The following SPOCK3 variants were observed in gnomAD, a reference collection of about 807,000 sequenced individuals.
SPOCK3 encodes the protein testican-3.
SPOCK3 carries 30 observed loss-of-function variants against 56.6 expected under a neutral mutation model. The ratio of observed to expected loss-of-function variants is 0.53; its 90% CI spans 0.40 to 0.72. The LOEUF (loss-of-function observed/expected upper bound fraction) is 0.72. SPOCK3 is among the 30% of genes least tolerant of loss of function. The pLI, the probability that SPOCK3 is intolerant of heterozygous loss-of-function variation, is 0.00. For missense variants in SPOCK3, 527 were observed against 530.0 expected (o/e 0.99, Z 0.06); for synonymous variants, 196 against 183.3 (o/e 1.07, Z -0.56).
intron 4 of SPOCK3, among the ~76,000 whole-genome samples, chr4:166,927,058 A>G (rs539055641): frequency 6.6e-6 from 1 of 152,370 alleles, no homozygotes; most frequent in Admixed American, 6.5e-5. Flanking sequence ...GCTGCAAATT[A>G]TGACAGAAAA....
intron 2 of SPOCK3, among the ~76,000 whole-genome samples, chr4:167,208,790 ATTTTG>A (rs1697072126): frequency 6.6e-6 from 1 of 152,096 alleles, no homozygotes; most frequent in Non-Finnish European, 1.5e-5. Context: ...AATAGTGATT[ATTTTG>A]TTAATATTTA....
intron 4 of SPOCK3, among the ~76,000 whole-genome samples, chr4:166,976,223 TTTGGAGGCATCA>T (rs1280059865): frequency 6.6e-6 from 1 of 152,144 alleles, no homozygotes; most frequent in African/African-American, 2.4e-5. Context: ...AGATCAAACT[TTTGGAGGCATCA>T]TTGACTTCTC....
At chr4:166,847,294 A>T (rs1477662455) in intron 6 of SPOCK3, among the ~76,000 whole-genome samples, 1 of 152,060 alleles carries the variant, frequency 6.6e-6, no homozygotes, top group East Asian at 1.9e-4. Context: ...TTATTCAGTC[A>T]GATATGTAGT....
At chr4:167,217,817 A>G (rs1174989481) in intron 2 of SPOCK3, among the ~76,000 whole-genome samples, 2 of 152,114 alleles carry the variant, frequency 1.3e-5, no homozygotes, top group Admixed American at 6.6e-5. Context: ...CTAAATGGCT[A>G]TACATGATAT....
At chr4:166,978,933 G>C (rs993340727) in intron 4 of SPOCK3, among the ~76,000 whole-genome samples, 7 of 152,204 alleles carry the variant, frequency 4.6e-5, no homozygotes, top group African/African-American at 1.7e-4. Flanking sequence ...GAAGAGGCTG[G>C]GAAGGAGACA....
intron 2 of SPOCK3, among the ~76,000 whole-genome samples, chr4:167,152,785 A>G (rs1315948251): frequency 6.6e-6 from 1 of 152,178 alleles, no homozygotes; most frequent in African/African-American, 2.4e-5. Flanking sequence ...ATCCACTCTA[A>G]TATCTATCTT....
At chr4:166,970,807 C>A (rs1745298380) in intron 4 of SPOCK3, among the ~76,000 whole-genome samples, 1 of 151,994 alleles carries the variant, frequency 6.6e-6, no homozygotes. Flanking sequence ...TACAAAACCC[C>A]AACCCCATGA....
intron 4 of SPOCK3, among the ~76,000 whole-genome samples, chr4:166,922,313 A>G (rs1225796961): frequency 2.0e-5 from 3 of 152,182 alleles, no homozygotes; most frequent in Non-Finnish European, 2.9e-5. Flanking sequence ...TTATTTGTGG[A>G]CAAAAAAGTA....
At chr4:166,857,287 C>T (rs555506275) in intron 6 of SPOCK3, among the ~76,000 whole-genome samples, 20 of 152,282 alleles carry the variant, frequency 1.3e-4, no homozygotes, top group East Asian at 7.7e-4. Flanking sequence ...ACCATATCAC[C>T]GCCCAAGGCT....
intron 2 of SPOCK3, among the ~76,000 whole-genome samples, chr4:167,079,323 A>G (rs1757500297): frequency 6.6e-6 from 1 of 152,010 alleles, no homozygotes; most frequent in Non-Finnish European, 1.5e-5. Flanking sequence ...TCCATTCATG[A>G]GGAACAACCT....
chr4:166,797,307 C>CTT (rs201922172), intron 6 of SPOCK3, among the ~76,000 whole-genome samples: 11 of 53,224 alleles, frequency 2.1e-4, no homozygotes, highest in East Asian at 8.2e-4. Context: ...TTCTAAGTGG[C>CTT]TTTTTTTTTT....
chr4:166,778,145 C>A (rs1739774318), intron 7 of SPOCK3, among the ~76,000 whole-genome samples: 1 of 152,058 alleles, frequency 6.6e-6, no homozygotes, highest in African/African-American at 2.4e-5. Context: ...AAAGATATTT[C>A]AAAAAATTCT....
At chr4:166,923,356 C>T (rs1738717265) in intron 4 of SPOCK3, among the ~76,000 whole-genome samples, 1 of 152,066 alleles carries the variant, frequency 6.6e-6, no homozygotes, top group Admixed American at 6.6e-5. Context: ...CACTCTTATG[C>T]TTTATAAGAT....
At chr4:167,090,418 C>T (rs762378850) in intron 2 of SPOCK3, among the ~76,000 whole-genome samples, 2 of 151,976 alleles carry the variant, frequency 1.3e-5, no homozygotes, top group Non-Finnish European at 2.9e-5. Context: ...TGCTGATTGG[C>T]CATTTTTATG....
chr4:166,782,564 C>A (rs189179150), intron 7 of SPOCK3, among the ~76,000 whole-genome samples: 1 of 152,000 alleles, frequency 6.6e-6, no homozygotes, highest in Non-Finnish European at 1.5e-5. Flanking sequence ...ATAAAACAGA[C>A]CTCAACAAAT....
At position 167,035,918 on chromosome 4, in the gene SPOCK3, A is replaced by G. The variant is rs376165651; in HGVS notation, c.235+26574T>C. ...TGCATTAGCAATTCTGTTCCAATGT[A>G]TTTCTGCCTTAACAACCCCCATTTC... On this transcript the variant is annotated intron_variant, in intron 3 of 10. Coordinates refer to ENST00000357545, the MANE Select transcript of SPOCK3 (RefSeq NM_001040159.2). Among the ~76,000 whole-genome samples, 122 of 152,274 alleles carry G rather than the reference A, an allele frequency of 8.0e-4. 1 individual carries two copies. Among genetic ancestry groups the G allele is most frequent in the African/African-American group, 2.7e-3 (113 of 41,556 alleles).
At chr4:166,779,754 A>G (rs1036749782) in intron 7 of SPOCK3, among the ~76,000 whole-genome samples, 4 of 152,152 alleles carry the variant, frequency 2.6e-5, no homozygotes, top group African/African-American at 9.6e-5. Flanking sequence ...ACATTTACAA[A>G]TTAAAGATAT....
chr4:167,146,541 A>T (rs1763976499), intron 2 of SPOCK3, among the ~76,000 whole-genome samples: 1 of 152,140 alleles, frequency 6.6e-6, no homozygotes. Flanking sequence ...CTTATTCTAA[A>T]ATTGACCACA....
chr4:167,107,443 T>C (rs1223308466), intron 2 of SPOCK3, among the ~76,000 whole-genome samples: 1 of 151,830 alleles, frequency 6.6e-6, no homozygotes, highest in African/African-American at 2.4e-5. Flanking sequence ...TCATAAAATC[T>C]GACATCCCTT....
Sources: allele counts gnomAD v4.1 joint callset (sites outside exome capture counted in the v4.1 genomes callset), GRCh38; gene constraint gnomAD v4.1.1; transcripts MANE v1.5; gene names NCBI Gene and HGNC (gene_info 2026-07-23, HGNC 2026-07-21).